The following VSIR variants were observed in gnomAD, a reference collection of about 807,000 sequenced individuals.
VSIR encodes V-set immunoregulatory receptor, also known as V-type immunoglobulin domain-containing suppressor of T-cell activation.
A neutral mutation model predicts 31.0 loss-of-function variants in VSIR; 10 were observed. The observed-to-expected ratio is 0.32, with a 90% CI of 0.20 to 0.55. The LOEUF (loss-of-function observed/expected upper bound fraction) is 0.55, where lower values mean the gene tolerates loss of function less well. VSIR is among the 20% of genes least tolerant of loss of function. VSIR has a pLI of 0.93. For missense variants in VSIR, 356 were observed against 416.2 expected (o/e 0.86, Z 1.26); for synonymous variants, 179 against 180.1 (o/e 0.99, Z 0.05).
rs575126456 is a variant in VSIR, at chr10:71,762,571, T to C, written c.83-545A>G. Among the ~76,000 whole-genome samples, 4 of 152,374 alleles carry C rather than the reference T, an allele frequency of 2.6e-5. No individual in the cohort carries two copies. The East Asian group carries it at 7.7e-4, about 29-fold the overall frequency. On this transcript the variant is annotated intron_variant, in intron 1 of 6. Coordinates refer to ENST00000394957, the MANE Select transcript of VSIR (RefSeq NM_022153.2). The stretch of plus-strand genomic sequence containing the variant: ...GGCCTCCCCTTGAGCAGACGAGGCC[T>C]GCATTCCCGACAGCAGAACCCCATG...
chr10:71,766,332 G>A (rs974969476), intron 1 of VSIR, among the ~76,000 whole-genome samples: 9 of 152,146 alleles, frequency 5.9e-5, no homozygotes, highest in Non-Finnish European at 1.0e-4. Flanking sequence ...TCCAGTTGCC[G>A]TGCTGCTGTC....
In VSIR at chr10:71,760,291, G is replaced by GTA. The variant is rs1419993435; in HGVS notation, c.568+575_568+576dup. 5.0e-5 allele frequency among the ~76,000 whole-genome samples: 5 copies of GTA among 100,360 alleles called. No individual in the cohort carries two copies. In the East Asian group the frequency reaches 9.5e-4, roughly 19 times the overall value. The allele number at this position is 100,360 out of a possible 152,430, so 65.8% of individuals were successfully genotyped here. A position where few individuals can be genotyped will look rare whatever the true frequency, so the allele number is the denominator to read the frequency against. On this transcript the variant is annotated intron_variant, in intron 3 of 6. Coordinates refer to ENST00000394957, the MANE Select transcript of VSIR (RefSeq NM_022153.2). The stretch of plus-strand genomic sequence containing the variant: ...TACATATATATGTATGTATATATGT[G>GTA]TATATATATGTATATACACACACAT...
rs1839998180 is a variant in VSIR, at chr10:71,751,398, G to C, written c.899-108C>G. ...CAGGGAGGTGAATGGGGGCCCCTCT[G>C]TCCCTCACCCTCAACCCCACCCCGT... On this transcript the variant is annotated intron_variant, in intron 6 of 6. Coordinates refer to ENST00000394957, the MANE Select transcript of VSIR (RefSeq NM_022153.2). This position sits in a 1 kb window ranked among gnomAD's most constrained non-coding sequence, Gnocchi z 4.9. The C allele has an allele frequency of 3.6e-6, 2 of 548,204 alleles. No individual in the cohort carries two copies. The highest frequency in any genetic ancestry group is 2.3e-5 in the African/African-American group (1 of 43,842). The allele number at this position is 548,204 out of a possible 1,614,324, so 34.0% of individuals were successfully genotyped here.
At chr10:71,772,336 A>G (rs890494818) in intron 1 of VSIR, among the ~76,000 whole-genome samples, 3 of 152,080 alleles carry the variant, frequency 2.0e-5, no homozygotes, top group African/African-American at 7.2e-5. Flanking sequence ...TCCCTGTGCC[A>G]AGCCCTCCAC....
chr10:71,754,960 A>T (rs951635755), intron 4 of VSIR: 7 of 409,512 alleles, frequency 1.7e-5, no homozygotes, highest in Non-Finnish European at 3.0e-5. Flanking sequence ...TGATATTCCA[A>T]AGATCATTTT....
intron 3 of VSIR, 96 bp downstream of exon 3, chr10:71,760,771 TG>T: frequency 8.6e-7 from 1 of 1,158,448 alleles, no homozygotes; most frequent in Non-Finnish European, 1.3e-6. Context: ...TCTGAGGGCT[TG>T]GGGTGATGAG....
At position 71,761,849 on chromosome 10, in the gene VSIR, C is replaced by T. The variant is rs757499424; in HGVS notation, c.260G>A (p.Arg87Gln). 1.3e-5 allele frequency: 21 copies of T among 1,614,000 alleles called. No individual in the cohort carries two copies. Among genetic ancestry groups the T allele is most frequent in the Non-Finnish European group, 1.6e-5 (19 of 1,180,036 alleles). ...CTGGAACGTGAGGTTGCGGATGGGC[C>T]GGCGCTCTGAGCAGGTCTGCACCTC... is the stretch of plus-strand genomic sequence containing the variant. ...RGEVQTCSERRPIRNLTFQDL... is the reference protein window; with the variant it reads ...RGEVQTCSERQPIRNLTFQDL... The change falls in exon 2 of 7, where the codon CGG becomes CAG. Residue 87 changes from arginine (R) to glutamine (Q), a missense_variant. Transcript: ENST00000394957.
intron 1 of VSIR, among the ~76,000 whole-genome samples, chr10:71,767,123 A>C (rs1356991506): frequency 6.6e-6 from 1 of 152,206 alleles, no homozygotes; most frequent in Non-Finnish European, 1.5e-5. Flanking sequence ...GCACCCTCAG[A>C]TGTTTCTGTC....
chr10:71,769,175 C>A (rs1840628767), intron 1 of VSIR, among the ~76,000 whole-genome samples: 4 of 152,210 alleles, frequency 2.6e-5, no homozygotes, highest in Admixed American at 6.5e-5. Flanking sequence ...TTATTTCAGT[C>A]CTGATTACAT....
chr10:71,761,478 G>A, intron 2 of VSIR, 120 bp downstream of exon 2: 1 of 1,198,226 alleles, frequency 8.3e-7, no homozygotes, highest in South Asian at 1.6e-5. Context: ...CACACTCCCT[G>A]GAGTGCCAGT....
chr10:71,761,184 A>C (rs1440868643), intron 2 of VSIR, among the ~76,000 whole-genome samples: 1 of 151,972 alleles, frequency 6.6e-6, no homozygotes, highest in African/African-American at 2.4e-5. Context: ...GGGCCCTTGC[A>C]CTCTCACCTG....
intron 1 of VSIR, among the ~76,000 whole-genome samples, chr10:71,771,862 C>T (rs1233161335): frequency 6.6e-6 from 1 of 152,062 alleles, no homozygotes; most frequent in East Asian, 1.9e-4. Context: ...AGAAATGTTT[C>T]TCAAATTGGG....
At chr10:71,764,712 G>A (rs1035104002) in intron 1 of VSIR, among the ~76,000 whole-genome samples, 4 of 152,168 alleles carry the variant, frequency 2.6e-5, no homozygotes, top group Admixed American at 6.5e-5. Context: ...CTCTCTCACC[G>A]TGGTTTCTTG....
At chr10:71,767,605 A>G (rs1840583316) in intron 1 of VSIR, among the ~76,000 whole-genome samples, 1 of 152,216 alleles carries the variant, frequency 6.6e-6, no homozygotes, top group Non-Finnish European at 1.5e-5. Context: ...TTCTGTCTTT[A>G]TCAAGATGCA....
intron 1 of VSIR, among the ~76,000 whole-genome samples, chr10:71,769,056 T>G (rs894837159): frequency 6.6e-6 from 1 of 152,222 alleles, no homozygotes; most frequent in Non-Finnish European, 1.5e-5. Flanking sequence ...ACAAATGTCA[T>G]GACCAATGAA....
intron 3 of VSIR, among the ~76,000 whole-genome samples, chr10:71,759,425 T>G (rs1840238169): frequency 6.6e-6 from 1 of 151,946 alleles, no homozygotes; most frequent in Admixed American, 6.6e-5. Context: ...GAAGATCACT[T>G]GCATCTGGAA....
chr10:71,763,299 C>T (rs114324993), intron 1 of VSIR, among the ~76,000 whole-genome samples: 121 of 152,362 alleles, frequency 7.9e-4, no homozygotes, highest in African/African-American at 2.6e-3. Context: ...TGACCCACTA[C>T]GCCCGGCCAG....
chr10:71,761,076 C>T, intron 2 of VSIR, 152 bp from the exon 3 acceptor site: 1 of 717,242 alleles, frequency 1.4e-6, no homozygotes, highest in Non-Finnish European at 2.5e-6. Flanking sequence ...CACGTGTGCA[C>T]CCACACACAC....
At chr10:71,754,166 G>A (rs763064681) in intron 4 of VSIR, among the ~76,000 whole-genome samples, 12 of 152,266 alleles carry the variant, frequency 7.9e-5, no homozygotes, top group South Asian at 2.1e-4. Flanking sequence ...GCTGCCCAGC[G>A]TTGCTCTTCT....
Sources: allele counts gnomAD v4.1 joint callset (sites outside exome capture counted in the v4.1 genomes callset), GRCh38; gene constraint gnomAD v4.1.1; non-coding constraint Gnocchi (gnomAD v3.1); transcripts MANE v1.5; gene names NCBI Gene and HGNC (gene_info 2026-07-23, HGNC 2026-07-21).